The following CPA6 variants were observed in gnomAD, a reference collection of about 807,000 sequenced individuals.
CPA6 encodes the protein carboxypeptidase A6.
Under a neutral mutation model 63.3 loss-of-function variants are expected in CPA6, and 58 were observed. That is an observed-to-expected ratio of 0.92 (90% CI 0.74 to 1.14). The LOEUF is 1.14. CPA6 is among the 50% of genes most tolerant of loss of function. The pLI is 0.00. For missense variants in CPA6, 565 were observed against 526.6 expected (o/e 1.07, Z -0.71); for synonymous variants, 185 against 179.0 (o/e 1.03, Z -0.27).
chr8:67,495,579 C>G (rs1298325189), intron 6 of CPA6, among the ~76,000 whole-genome samples: 1 of 152,064 alleles, frequency 6.6e-6, no homozygotes. Flanking sequence ...TAGTTAGTAG[C>G]CCTCACTCTG....
chr8:67,741,643 T>C (rs948884202), intron 1 of CPA6, among the ~76,000 whole-genome samples: 8 of 152,146 alleles, frequency 5.3e-5, no homozygotes, highest in African/African-American at 1.9e-4. Context: ...TATTGTGAAC[T>C]ACCCATGCGA....
At chr8:67,463,215 G>T (rs1054408912) in intron 8 of CPA6, among the ~76,000 whole-genome samples, 1 of 152,012 alleles carries the variant, frequency 6.6e-6, no homozygotes, top group Non-Finnish European at 1.5e-5. Flanking sequence ...AGGTCGAGGC[G>T]GGCGGATCAC....
intron 1 of CPA6, among the ~76,000 whole-genome samples, chr8:67,692,429 G>T (rs192828709): frequency 6.6e-5 from 10 of 151,810 alleles, no homozygotes; most frequent in African/African-American, 1.7e-4. Flanking sequence ...GCTGGCAGCT[G>T]CTTGAACATA....
At position 67,590,351 on chromosome 8, in the gene CPA6, C is replaced by T. The variant is rs1468991502; in HGVS notation, c.192+33825G>A. 1.4e-3 allele frequency among the ~76,000 whole-genome samples: 214 copies of T among 151,536 alleles called. 2 individuals are homozygous for T. Among genetic ancestry groups the T allele is most frequent in the African/African-American group, 4.9e-3 (202 of 41,148 alleles). On this transcript the variant is annotated intron_variant, in intron 2 of 10. Coordinates refer to ENST00000297770, the MANE Select transcript of CPA6 (RefSeq NM_020361.5). The stretch of plus-strand genomic sequence containing the variant: ...TGTGAATAGTGCCGCAATAAACATA[C>T]GTGTGCATGTGTCTTTATAGCAGCA...
At chr8:67,454,693 C>T (rs917569997) in intron 8 of CPA6, among the ~76,000 whole-genome samples, 1 of 152,202 alleles carries the variant, frequency 6.6e-6, no homozygotes, top group African/African-American at 2.4e-5. Flanking sequence ...GAATATATAA[C>T]AGATCTCTGC....
intron 2 of CPA6, among the ~76,000 whole-genome samples, chr8:67,612,866 G>A (rs1814846995): frequency 6.6e-6 from 1 of 152,214 alleles, no homozygotes; most frequent in Admixed American, 6.5e-5. Flanking sequence ...AAGTAAGCCA[G>A]AGGCTTAAAG....
intron 8 of CPA6, among the ~76,000 whole-genome samples, chr8:67,436,228 G>C (rs138556826): frequency 0.014 from 2,195 of 152,224 alleles, 45 homozygotes; most frequent in African/African-American, 0.051. Context: ...AGTCAGGAGA[G>C]AGGCGAGAGG....
intron 1 of CPA6, among the ~76,000 whole-genome samples, chr8:67,681,338 T>TA (rs1025791556): frequency 6.7e-6 from 1 of 149,044 alleles, no homozygotes; most frequent in Admixed American, 6.7e-5. Context: ...GCCTCCCGAG[T>TA]AGCTGGGACT....
intron 2 of CPA6, among the ~76,000 whole-genome samples, chr8:67,594,393 C>A (rs201759522): frequency 2.6e-5 from 4 of 151,946 alleles, no homozygotes. Context: ...AGTATCTTTG[C>A]GGCGTTCTCT....
At chr8:67,692,491 A>G (rs1369332547) in intron 1 of CPA6, among the ~76,000 whole-genome samples, 1 of 152,132 alleles carries the variant, frequency 6.6e-6, no homozygotes, top group Non-Finnish European at 1.5e-5. Context: ...CTGCTATTTT[A>G]TTGAAGATTC....
At chr8:67,679,733 C>A (rs1412197909) in intron 1 of CPA6, among the ~76,000 whole-genome samples, 1 of 152,158 alleles carries the variant, frequency 6.6e-6, no homozygotes, top group East Asian at 1.9e-4. Context: ...AAACAGCATG[C>A]TATTGAGTTC....
intron 1 of CPA6, among the ~76,000 whole-genome samples, chr8:67,708,769 T>G (rs983557643): frequency 1.3e-5 from 2 of 152,172 alleles, no homozygotes; most frequent in Non-Finnish European, 2.9e-5. Context: ...TACAGAAGAC[T>G]AATCTTCATC....
chr8:67,564,354 C>T (rs1409613435), intron 2 of CPA6, among the ~76,000 whole-genome samples: 5 of 151,654 alleles, frequency 3.3e-5, no homozygotes, highest in Admixed American at 6.6e-5. Flanking sequence ...TTCTTTTTGG[C>T]AGCCTGTGCT....
At chr8:67,672,095 GCTGGGATTACAGGTGTGAGC>G (rs1370939838) in intron 1 of CPA6, among the ~76,000 whole-genome samples, 5 of 152,126 alleles carry the variant, frequency 3.3e-5, no homozygotes, top group African/African-American at 7.2e-5. Context: ...CTCCCAAAGT[GCTGGGATTACAGGTGTGAGC>G]CACCGCACCC....
rs1033113329 is a variant in CPA6 at position 67,438,098 on chromosome 8, A to G, written c.839-3858T>C. ...ACACCTGGCTAGTTTTTGTATTTTT[A>G]GTAGAGACGGGGTTTCACCATGTTT... On this transcript the variant is annotated intron_variant, in intron 8 of 10. Transcript: ENST00000297770. Among the ~76,000 whole-genome samples, 12 of 152,258 alleles carry G rather than the reference A, an allele frequency of 7.9e-5. 1 individual carries two copies. The Middle Eastern group carries it at 0.014, about 173-fold the overall frequency.
At chr8:67,714,522 G>A (rs774761363) in intron 1 of CPA6, among the ~76,000 whole-genome samples, 3 of 152,164 alleles carry the variant, frequency 2.0e-5, no homozygotes, top group Admixed American at 6.5e-5. Flanking sequence ...ATCATAGGGA[G>A]ACCCTGTCTC....
intron 6 of CPA6, among the ~76,000 whole-genome samples, chr8:67,499,938 A>T (rs758734048): frequency 6.6e-6 from 1 of 152,180 alleles, no homozygotes; most frequent in Non-Finnish European, 1.5e-5. Flanking sequence ...GGCTACTAAA[A>T]ATAAAGATGC....
chr8:67,466,661 T>C (rs1349843142), intron 8 of CPA6, among the ~76,000 whole-genome samples: 1 of 152,200 alleles, frequency 6.6e-6, no homozygotes, highest in Non-Finnish European at 1.5e-5. Flanking sequence ...GTTCTATTCC[T>C]GTTTTCATTT....
intron 2 of CPA6, among the ~76,000 whole-genome samples, chr8:67,591,809 T>A (rs904234878): frequency 5.7e-4 from 87 of 152,250 alleles, no homozygotes; most frequent in African/African-American, 2.0e-3. Context: ...GGTTTTCTAG[T>A]TATACTATCA....
Sources: allele counts gnomAD v4.1 joint callset (sites outside exome capture counted in the v4.1 genomes callset), GRCh38; gene constraint gnomAD v4.1.1; transcripts MANE v1.5; gene names NCBI Gene and HGNC (gene_info 2026-07-23, HGNC 2026-07-21).